CACHD1: variants seen among roughly 807,000 people sequenced by gnomAD.
The protein encoded by CACHD1 is cache domain containing 1.
A neutral mutation model predicts 138.7 loss-of-function variants in CACHD1; 71 were observed. The ratio of observed to expected loss-of-function variants is 0.51; its 90% confidence interval spans 0.42 to 0.62. CACHD1 has a LOEUF of 0.62. Ranked by LOEUF, CACHD1 falls within the 20% of genes least tolerant of loss-of-function variation. CACHD1 has a pLI of 0.00. For synonymous variants in CACHD1, 578 were observed against 591.5 expected, an observed-to-expected ratio of 0.98 and a Z score of 0.33; for missense variants, 1,389 against 1,625.3, an observed-to-expected ratio of 0.85 and a Z score of 2.50.
chr1:64,630,073 A>G (rs1278543870), intron 5 of CACHD1, among the ~76,000 whole-genome samples: 4 of 152,208 alleles, frequency 2.6e-5, no homozygotes, highest in African/African-American at 9.6e-5. Context: ...CTCATTAATT[A>G]TAGAACCCCC....
At chr1:64,684,278 AT>A (rs1289411532) in intron 26 of CACHD1, among the ~76,000 whole-genome samples, 1 of 148,918 alleles carries the variant, frequency 6.7e-6, no homozygotes, top group African/African-American at 2.5e-5. Flanking sequence ...CAAGGATCTC[AT>A]TTGTGGTAAA....
chr1:64,651,971 C>T (rs1353141299), intron 9 of CACHD1, among the ~76,000 whole-genome samples, 190 bp from the exon 10 acceptor site: 2 of 152,182 alleles, frequency 1.3e-5, no homozygotes, highest in Non-Finnish European at 2.9e-5. Context: ...CTCTTTCCCT[C>T]CCACTCTAAC....
chr1:64,684,115 G>A (rs1650276565), intron 26 of CACHD1, among the ~76,000 whole-genome samples: 1 of 152,160 alleles, frequency 6.6e-6, no homozygotes, highest in South Asian at 2.1e-4. Context: ...CTGACCCTGT[G>A]TAGGCCTGGG....
chr1:64,588,456 C>G (rs1054950000), intron 3 of CACHD1, among the ~76,000 whole-genome samples: 1 of 149,526 alleles, frequency 6.7e-6, no homozygotes, highest in African/African-American at 2.5e-5. Context: ...GAGTCTCGCT[C>G]TGTTGTCCAG....
chr1:64,587,305 C>T (rs1203634587), intron 3 of CACHD1, among the ~76,000 whole-genome samples: 1 of 151,914 alleles, frequency 6.6e-6, no homozygotes, highest in East Asian at 1.9e-4. Flanking sequence ...GATTATAATC[C>T]ATATTTGGTT....
chr1:64,683,267 A>G (rs1471467998), intron 26 of CACHD1, among the ~76,000 whole-genome samples: 1 of 152,206 alleles, frequency 6.6e-6, no homozygotes, highest in African/African-American at 2.4e-5. Flanking sequence ...GGAGAACCAC[A>G]GCAGAACTTA....
At chr1:64,587,267 GTC>G (rs1256769888) in intron 3 of CACHD1, among the ~76,000 whole-genome samples, 1 of 152,050 alleles carries the variant, frequency 6.6e-6, no homozygotes, top group Non-Finnish European at 1.5e-5. Context: ...TTTACTTTTT[GTC>G]TCAGGCCTAA....
intron 16 of CACHD1, among the ~76,000 whole-genome samples, chr1:64,668,566 T>C (rs1236491764): frequency 6.6e-6 from 1 of 152,130 alleles, no homozygotes. Flanking sequence ...TGGTTACTTT[T>C]ACATCATGGG....
In CACHD1 at chr1:64,682,150, G is replaced by A. The variant is rs749185382; in HGVS notation, c.3586+44G>A. Reference sequence around the variant, plus strand: ...CATTTGAAGACCCAAGGAACCTCATGTACTCCTGTGGGATGATGCTCACAC... The same window carrying A: ...CATTTGAAGACCCAAGGAACCTCATATACTCCTGTGGGATGATGCTCACAC... On this transcript the variant is annotated intron_variant, in intron 26 of 26. Transcript: ENST00000651257. 5 of 1,534,168 alleles carry A rather than the reference G, an allele frequency of 3.3e-6. No homozygotes were observed. The South Asian group carries it at 5.6e-5, about 17-fold the overall frequency.
intron 1 of CACHD1, among the ~76,000 whole-genome samples, chr1:64,482,501 G>A (rs1353526497): frequency 6.6e-6 from 1 of 152,196 alleles, no homozygotes; most frequent in Admixed American, 6.5e-5. Flanking sequence ...CTTTCTAGGG[G>A]ACTGTTAGTC....
At chr1:64,684,554 T>G (rs1650303129) in intron 26 of CACHD1, among the ~76,000 whole-genome samples, 1 of 152,064 alleles carries the variant, frequency 6.6e-6, no homozygotes, top group African/African-American at 2.4e-5. Flanking sequence ...GTCAAAAAGT[T>G]TTAAAAGTTT....
At chr1:64,559,334 C>A (rs1351037759) in intron 2 of CACHD1, among the ~76,000 whole-genome samples, 3 of 152,210 alleles carry the variant, frequency 2.0e-5, no homozygotes, top group Non-Finnish European at 4.4e-5. Context: ...AAGATCATGT[C>A]TTTTGCAGGA....
chr1:64,565,590 C>T (rs1646875325), intron 2 of CACHD1, among the ~76,000 whole-genome samples: 1 of 152,194 alleles, frequency 6.6e-6, no homozygotes, highest in Non-Finnish European at 1.5e-5. Context: ...TAGAAACCCT[C>T]TTCCTGAGCC....
In CACHD1 at chr1:64,477,745, C is replaced by A. The variant is rs1017774371; in HGVS notation, c.198+6803C>A. Among the ~76,000 whole-genome samples, 3 of 151,550 alleles carry A rather than the reference C, an allele frequency of 2.0e-5. No homozygotes were observed. The East Asian group carries it at 5.8e-4, about 29-fold the overall frequency. On this transcript the variant is annotated intron_variant, in intron 1 of 26. Coordinates refer to ENST00000651257, the MANE Select transcript of CACHD1 (RefSeq NM_020925.4). Reference sequence around the variant, plus strand: ...TGCTTCCCGGGTTCATGCCATTCTCCTGCCTCAGCCTCCCGAGTAGCTGGG... The same window carrying A: ...TGCTTCCCGGGTTCATGCCATTCTCATGCCTCAGCCTCCCGAGTAGCTGGG...
intron 16 of CACHD1, among the ~76,000 whole-genome samples, chr1:64,667,435 G>A (rs546056676): frequency 2.0e-3 from 305 of 152,338 alleles, no homozygotes; most frequent in African/African-American, 7.1e-3. Context: ...GGGCCCTGCA[G>A]CCAGCCAAAT....
intron 1 of CACHD1, among the ~76,000 whole-genome samples, chr1:64,478,063 A>G (rs945176729): frequency 5.3e-5 from 8 of 152,366 alleles, no homozygotes; most frequent in Admixed American, 5.2e-4. Flanking sequence ...ACACTAGTAT[A>G]TAAAATTTAC....
intron 1 of CACHD1, among the ~76,000 whole-genome samples, chr1:64,529,784 T>C (rs1646568059): frequency 6.6e-6 from 1 of 152,236 alleles, no homozygotes; most frequent in Non-Finnish European, 1.5e-5. Flanking sequence ...CATTTTTGCA[T>C]AGGTCTTGCT....
intron 1 of CACHD1, among the ~76,000 whole-genome samples, chr1:64,514,585 T>G (rs1256594045): frequency 6.6e-6 from 1 of 152,202 alleles, no homozygotes; most frequent in African/African-American, 2.4e-5. Context: ...AGATGCATAG[T>G]TGACCATAGG....
intron 7 of CACHD1, among the ~76,000 whole-genome samples, chr1:64,639,493 C>T (rs1328799208): frequency 1.3e-5 from 2 of 152,092 alleles, no homozygotes; most frequent in African/African-American, 4.8e-5. Flanking sequence ...TTTAAATGTG[C>T]AGTTAATGTT....
Sources: allele counts gnomAD v4.1 joint callset (sites outside exome capture counted in the v4.1 genomes callset), GRCh38; gene constraint gnomAD v4.1.1; transcripts MANE v1.5; gene names NCBI Gene and HGNC (gene_info 2026-07-23, HGNC 2026-07-21).